LNPK: variants seen among roughly 807,000 people sequenced by gnomAD.
LNPK encodes the protein endoplasmic reticulum junction formation protein lunapark.
In LNPK, 29 loss-of-function variants were observed where a neutral mutation model predicts 55.2. The ratio of observed to expected loss-of-function variants is 0.53; its 90% confidence interval spans 0.39 to 0.72. The LOEUF (loss-of-function observed/expected upper bound fraction) is 0.72, where lower values mean the gene tolerates loss of function less well. Among genes scored for constraint, LNPK ranks in the 30% least tolerant of loss-of-function variants. The pLI, the probability that LNPK is intolerant of heterozygous loss-of-function variation, is 0.00. For synonymous variants in LNPK, 162 were observed against 168.2 expected (o/e 0.96, Z 0.29); for missense variants, 467 against 494.8 (o/e 0.94, Z 0.53).
intron 6 of LNPK, 47 bp from the exon 7 acceptor site, chr2:175,964,636 T>A (rs761805221): frequency 1.0e-6 from 1 of 980,260 alleles, no homozygotes; most frequent in South Asian, 1.3e-5. Flanking sequence ...AAACACACAC[T>A]ACTTATTTGT....
intron 12 of LNPK, among the ~76,000 whole-genome samples, chr2:175,933,068 A>G (rs1684356213): frequency 6.6e-6 from 1 of 152,098 alleles, no homozygotes; most frequent in African/African-American, 2.4e-5. Flanking sequence ...AAAACAATAT[A>G]CCACAATGCC....
rs1379770427 is a variant in LNPK, at chr2:175,970,754, GTT to G, written c.357+8_357+9del. ...TAATATAAATTAATTTTAAATAAAA[GTT>G]AACTTACTATTTTTTTCCTCTGGGA... On this transcript the variant is annotated splice_region_variant and intron_variant, in intron 6 of 12. Transcript: ENST00000272748. 1 of 1,289,900 alleles carries G rather than the reference GTT, an allele frequency of 7.8e-7. No individual in the cohort carries two copies. Among genetic ancestry groups the G allele is most frequent in the South Asian group, 1.6e-5 (1 of 60,866 alleles). The allele number at this position is 1,289,900 out of a possible 1,614,324, so 79.9% of individuals were successfully genotyped here.
intron 9 of LNPK, 98 bp from the exon 10 acceptor site, chr2:175,939,755 A>T: frequency 1.8e-6 from 1 of 558,908 alleles, no homozygotes. Context: ...TAGAAATTTT[A>T]AAAGGTTTTA....
upstream of LNPK, chr2:176,002,294 A>G (rs755889037): frequency 2.3e-6 from 1 of 427,516 alleles, no homozygotes; most frequent in South Asian, 1.6e-5. Context: ...TTCCCATGAA[A>G]CCCCGCGCTC....
At chr2:175,991,611 T>G (rs578169267) in intron 4 of LNPK, among the ~76,000 whole-genome samples, 1 of 152,302 alleles carries the variant, frequency 6.6e-6, no homozygotes, top group South Asian at 2.1e-4. Flanking sequence ...GTTTGCAGTC[T>G]AAGATATACA....
rs986159648 is a variant in LNPK, at chr2:175,929,901, C to T, written c.*66G>A. ...GAGGGGCAAAAAAAGTAAGTGCCACCGAAAAAGCAATAACTGACATCAGTA... is the reference window on the plus strand; with the variant it reads ...GAGGGGCAAAAAAAGTAAGTGCCACTGAAAAAGCAATAACTGACATCAGTA... On this transcript the variant is annotated 3_prime_UTR_variant, in exon 13 of 13. Coordinates refer to ENST00000272748, the MANE Select transcript of LNPK (RefSeq NM_030650.3). 96 of 1,588,370 alleles carry T rather than the reference C, an allele frequency of 6.0e-5. No individual in the cohort carries two copies. The highest frequency in any genetic ancestry group is 1.7e-4 in the Middle Eastern group (1 of 5,920).
Position 175,924,822 on chromosome 2 carries a change from G to T in LNPK, c.*5145C>A, listed in dbSNP as rs1182261973. ...ACCACTCATGGCAGAAAGCAAAGGG[G>T]AGCTGGTGTGTGCAGAGATCACACA... On this transcript the variant is annotated 3_prime_UTR_variant, in exon 13 of 13. Transcript: ENST00000272748. The T allele has an allele frequency of 1.3e-5, 2 of 152,682 alleles. No homozygotes were observed. Among genetic ancestry groups the T allele is most frequent in the African/African-American group, 4.8e-5 (2 of 41,426 alleles). 9.5% of individuals were successfully genotyped at this position (152,682 alleles called of 1,614,324 possible).
intron 1 of LNPK, among the ~76,000 whole-genome samples, chr2:176,001,568 C>T (rs1401096770): frequency 6.6e-6 from 1 of 152,134 alleles, no homozygotes; most frequent in African/African-American, 2.4e-5. Flanking sequence ...CCCACCATCC[C>T]TGAAATAAGG....
At chr2:175,957,631 C>T (rs1685761703) in intron 8 of LNPK, among the ~76,000 whole-genome samples, 1 of 152,126 alleles carries the variant, frequency 6.6e-6, no homozygotes, top group African/African-American at 2.4e-5. Flanking sequence ...CTGCAGCTCC[C>T]AGCACGATCA....
rs1388235361 is a variant in LNPK, at chr2:175,928,333, C to A, written c.*1634G>T. On this transcript the variant is annotated 3_prime_UTR_variant, in exon 13 of 13. Coordinates refer to ENST00000272748, the MANE Select transcript of LNPK (RefSeq NM_030650.3). ...GCACATTACATTATTTTTAATTATC[C>A]TAATACCCTTCAAAAATAAACATAA... 3 of 151,588 alleles carry A rather than the reference C, an allele frequency of 2.0e-5. No homozygotes were observed. Among genetic ancestry groups the A allele is most frequent in the African/African-American group, 7.3e-5 (3 of 41,360 alleles). 9.4% of individuals were successfully genotyped at this position (151,588 alleles called of 1,614,324 possible). A position where few individuals can be genotyped will look rare whatever the true frequency, so the allele number is the denominator to read the frequency against.
rs1559074874 is a variant in LNPK, at chr2:175,992,181, ACT to A, written c.257+48_257+49del. On this transcript the variant is annotated intron_variant, in intron 4 of 12. Coordinates refer to ENST00000272748, the MANE Select transcript of LNPK (RefSeq NM_030650.3). ...ATATACATATTAGATATACATTAAG[ACT>A]CTCTAGTCAGAAAAGGAAAAGATCA... is the stretch of plus-strand genomic sequence containing the variant. The A allele has an allele frequency of 2.5e-6, 3 of 1,186,254 alleles. No individual in the cohort carries two copies. In the East Asian group the frequency reaches 8.2e-5, roughly 32 times the overall value. 73.5% of individuals were successfully genotyped at this position (1,186,254 alleles called of 1,614,324 possible).
chr2:175,996,002 G>A (rs868493121), intron 1 of LNPK, among the ~76,000 whole-genome samples: 1 of 151,514 alleles, frequency 6.6e-6, no homozygotes, highest in Non-Finnish European at 1.5e-5. Flanking sequence ...TGGTAGAGAC[G>A]GGGTTTTGCT....
At chr2:175,978,232 C>A (rs1005667119) in intron 5 of LNPK, among the ~76,000 whole-genome samples, 3 of 152,040 alleles carry the variant, frequency 2.0e-5, no homozygotes, top group African/African-American at 7.2e-5. Flanking sequence ...TATAGTATTA[C>A]ATTGCATTAG....
chr2:175,967,461 A>G (rs1686427916), intron 6 of LNPK, among the ~76,000 whole-genome samples: 1 of 152,218 alleles, frequency 6.6e-6, no homozygotes, highest in Admixed American at 6.5e-5. Flanking sequence ...ATTTAATACT[A>G]AAATTATCAT....
chr2:175,961,824 C>T (rs1331497684), intron 8 of LNPK, among the ~76,000 whole-genome samples: 1 of 152,180 alleles, frequency 6.6e-6, no homozygotes, highest in African/African-American at 2.4e-5. Flanking sequence ...AGCCCAAAAT[C>T]TCCCTAAGCT....
chr2:176,001,467 A>C (rs906257820), intron 1 of LNPK, among the ~76,000 whole-genome samples: 1 of 152,174 alleles, frequency 6.6e-6, no homozygotes, highest in African/African-American at 2.4e-5. Flanking sequence ...CTCAATCCGT[A>C]AACTATGAAC....
chr2:175,929,022 T>A lies in LNPK; in HGVS notation c.*945A>T. The A allele has an allele frequency of 1.6e-6, 1 of 642,768 alleles. No homozygotes were observed. Among genetic ancestry groups the A allele is most frequent in the Non-Finnish European group, 1.9e-6 (1 of 516,536 alleles). 39.8% of individuals were successfully genotyped at this position (642,768 alleles called of 1,614,324 possible). On this transcript the variant is annotated 3_prime_UTR_variant, in exon 13 of 13. Transcript: ENST00000272748. The stretch of plus-strand genomic sequence containing the variant: ...TTGCTCTAAGCAGAATCTACAGATT[T>A]ATTGTATTGTGAGCTATTCCTCCTA...
Position 175,929,423 on chromosome 2 carries a change from CTTA to C in LNPK, c.*541_*543del. On this transcript the variant is annotated 3_prime_UTR_variant, in exon 13 of 13. Coordinates refer to ENST00000272748, the MANE Select transcript of LNPK (RefSeq NM_030650.3). Reference sequence around the variant, plus strand: ...TTCTACTTAACTGTTCCACTGCATTCTTATTGAGAATTCGTACCAGTGCCTATG... The same window carrying C: ...TTCTACTTAACTGTTCCACTGCATTCTTGAGAATTCGTACCAGTGCCTATG... 2 of 986,116 alleles carry C rather than the reference CTTA, an allele frequency of 2.0e-6. No homozygotes were observed. Among genetic ancestry groups the C allele is most frequent in the Non-Finnish European group, 2.4e-6 (2 of 830,146 alleles). 61.1% of individuals were successfully genotyped at this position (986,116 alleles called of 1,614,324 possible).
At position 175,927,156 on chromosome 2, in the gene LNPK, G is replaced by GA. The variant is rs1684047555; in HGVS notation, c.*2810dup. The GA allele has an allele frequency of 2.0e-5, 3 of 152,256 alleles. No individual in the cohort carries two copies. The highest frequency in any genetic ancestry group is 2.0e-4 in the Admixed American group (3 of 15,284). The allele number at this position is 152,256 out of a possible 1,614,324, so 9.4% of individuals were successfully genotyped here. ...ATAAGAGAATAATAGTGTGATATATGAAAAGCCAAAAGAAAAAAAGTATCT... is the reference window on the plus strand; with the variant it reads ...ATAAGAGAATAATAGTGTGATATATGAAAAAGCCAAAAGAAAAAAAGTATCT... On this transcript the variant is annotated 3_prime_UTR_variant, in exon 13 of 13. Coordinates refer to ENST00000272748, the MANE Select transcript of LNPK (RefSeq NM_030650.3).
Sources: gnomAD v4.1 joint callset for allele counts (sites outside exome capture counted in the v4.1 genomes callset) on GRCh38, gnomAD v4.1.1 for gene constraint, MANE v1.5 for transcripts, NCBI Gene and HGNC (gene_info 2026-07-23, HGNC 2026-07-21) for gene names.